Variants in TFDP2 observed in about 807,000 individuals in gnomAD.
The protein encoded by TFDP2 is transcription factor Dp-2.
Under a neutral mutation model 59.3 loss-of-function variants are expected in TFDP2, and 17 were observed. The observed-to-expected ratio is 0.29, with a 90% CI of 0.20 to 0.43. The LOEUF (loss-of-function observed/expected upper bound fraction) is 0.43, where lower values mean the gene tolerates loss of function less well. TFDP2 is among the 20% of genes least tolerant of loss of function. The probability of loss-of-function intolerance (pLI) is 1.00; values close to 1 mark genes in which losing one functional copy is unlikely to be tolerated. For missense variants in TFDP2, 391 were observed against 528.8 expected (o/e 0.74, Z 2.56); for synonymous variants, 180 against 194.7 (o/e 0.92, Z 0.63).
chr3:142,001,392 T>C (rs1032064479), intron 4 of TFDP2, among the ~76,000 whole-genome samples: 8 of 152,156 alleles, frequency 5.3e-5, no homozygotes, highest in Admixed American at 2.6e-4. Context: ...ATTGCCAGGG[T>C]TTCATTAGCG....
rs1490644561 is a variant in TFDP2 at position 141,944,840 on chromosome 3, G to C, written c.*7673C>G. Reference sequence around the variant, plus strand: ...ATAAAATTTCCATATAAAAATAATGGCATTTATTTACAAAGTCTGAGATAC... The same window carrying C: ...ATAAAATTTCCATATAAAAATAATGCCATTTATTTACAAAGTCTGAGATAC... On this transcript the variant is annotated 3_prime_UTR_variant, in exon 13 of 13. Coordinates refer to ENST00000489671, the MANE Select transcript of TFDP2 (RefSeq NM_001178139.2). 1 of 152,094 alleles carries C rather than the reference G, an allele frequency of 6.6e-6. No homozygotes were observed. Among genetic ancestry groups the C allele is most frequent in the African/African-American group, 2.4e-5 (1 of 41,396 alleles). The allele number at this position is 152,094 out of a possible 1,614,324, so 9.4% of individuals were successfully genotyped here. A position where few individuals can be genotyped will look rare whatever the true frequency, so the allele number is the denominator to read the frequency against.
intron 3 of TFDP2, chr3:142,028,460 G>T: frequency 1.8e-6 from 1 of 555,994 alleles, no homozygotes; most frequent in Non-Finnish European, 2.2e-6. Flanking sequence ...AAGCAAGGAC[G>T]TCTTGAAATC....
chr3:142,095,667 T>C (rs1407098431), intron 2 of TFDP2, among the ~76,000 whole-genome samples: 1 of 152,228 alleles, frequency 6.6e-6, no homozygotes, highest in Non-Finnish European at 1.5e-5. Flanking sequence ...CAAATAACTA[T>C]ATGTTATGGC....
rs1935323036 is a variant in TFDP2, at chr3:141,946,989, T to A, written c.*5524A>T. ...GTTGCAGTGGCTGAGATCATGCCAC[T>A]GCACTCCAGCCTGGGCAACAGAGCA... On this transcript the variant is annotated 3_prime_UTR_variant, in exon 13 of 13. Coordinates refer to ENST00000489671, the MANE Select transcript of TFDP2 (RefSeq NM_001178139.2). 1 of 152,226 alleles carries A rather than the reference T, an allele frequency of 6.6e-6. No homozygotes were observed. Among genetic ancestry groups the A allele is most frequent in the Non-Finnish European group, 1.5e-5 (1 of 68,108 alleles). 9.4% of individuals were successfully genotyped at this position (152,226 alleles called of 1,614,324 possible). A position where few individuals can be genotyped will look rare whatever the true frequency, so the allele number is the denominator to read the frequency against.
chr3:142,082,401 C>T (rs565653563), intron 3 of TFDP2, among the ~76,000 whole-genome samples: 55 of 152,188 alleles, frequency 3.6e-4, no homozygotes, highest in African/African-American at 1.3e-3. Context: ...ATTCTGTAAA[C>T]CATACCACCC....
chr3:142,009,324 C>T (rs748168965), intron 3 of TFDP2, among the ~76,000 whole-genome samples: 13 of 152,146 alleles, frequency 8.5e-5, no homozygotes, highest in Non-Finnish European at 1.9e-4. Flanking sequence ...TCAATTTAAA[C>T]AGCAGGTCCT....
intron 3 of TFDP2, among the ~76,000 whole-genome samples, chr3:142,042,803 G>A (rs530423944): frequency 8.1e-6 from 1 of 123,676 alleles, no homozygotes; most frequent in African/African-American, 3.1e-5. Flanking sequence ...GCAATGGCTT[G>A]ATCTCGGCTC....
intron 6 of TFDP2, among the ~76,000 whole-genome samples, chr3:141,989,880 TAA>T (rs1491329408): frequency 8.1e-5 from 12 of 149,008 alleles, no homozygotes; most frequent in East Asian, 2.0e-4. Flanking sequence ...TTTACTTTAA[TAA>T]TAATAATAAT....
chr3:142,067,604 A>G (rs1261232215), intron 3 of TFDP2, among the ~76,000 whole-genome samples: 2 of 152,206 alleles, frequency 1.3e-5, no homozygotes, highest in East Asian at 3.8e-4. Context: ...GTTACTTTGT[A>G]GTTATCAAAA....
At chr3:142,033,743 G>A (rs896677401) in intron 3 of TFDP2, among the ~76,000 whole-genome samples, 2 of 152,142 alleles carry the variant, frequency 1.3e-5, no homozygotes, top group Non-Finnish European at 2.9e-5. Context: ...TCAAGTATTT[G>A]TTTAGTTATA....
intron 8 of TFDP2, among the ~76,000 whole-genome samples, chr3:141,973,524 C>T (rs4683656): frequency 0.074 from 11,309 of 152,160 alleles, 523 homozygotes; most frequent in Non-Finnish European, 0.11. Context: ...ACTTAAAATG[C>T]TTCTGCATAC....
intron 3 of TFDP2, among the ~76,000 whole-genome samples, chr3:142,017,710 G>C (rs1945248384): frequency 1.3e-5 from 2 of 151,576 alleles, no homozygotes; most frequent in African/African-American, 4.8e-5. Flanking sequence ...ATGCCACCAT[G>C]CCTGGCTAAT....
intron 9 of TFDP2, among the ~76,000 whole-genome samples, chr3:141,967,178 G>A (rs1179383242): frequency 6.6e-6 from 1 of 151,660 alleles, no homozygotes; most frequent in African/African-American, 2.4e-5. Flanking sequence ...GCCTCCCCAA[G>A]TGCTGGGATG....
chr3:142,119,376 C>T (rs1037573699), intron 1 of TFDP2, among the ~76,000 whole-genome samples: 3 of 152,056 alleles, frequency 2.0e-5, no homozygotes, highest in South Asian at 4.1e-4. Context: ...CATTGTATTT[C>T]TCAAAAATAA....
At chr3:142,060,382 A>G (rs1384886051) in intron 3 of TFDP2, among the ~76,000 whole-genome samples, 1 of 152,218 alleles carries the variant, frequency 6.6e-6, no homozygotes, top group Non-Finnish European at 1.5e-5. Flanking sequence ...GGTAGGGGAC[A>G]ACAAATGGAA....
chr3:141,971,032 TG>T (rs763320468), intron 8 of TFDP2, among the ~76,000 whole-genome samples: 1 of 149,910 alleles, frequency 6.7e-6, no homozygotes, highest in Non-Finnish European at 1.5e-5. Context: ...CACTCCAGCC[TG>T]GACAACAAAG....
At chr3:141,977,882 T>C (rs913051833) in intron 7 of TFDP2, among the ~76,000 whole-genome samples, 1 of 151,730 alleles carries the variant, frequency 6.6e-6, no homozygotes, top group African/African-American at 2.4e-5. Flanking sequence ...GGCTAATTTT[T>C]TGTATTTTTA....
rs550446161 is a variant in TFDP2 at position 142,115,539 on chromosome 3, C to T, written c.-92-13698G>A. Among the ~76,000 whole-genome samples the T allele has an allele frequency of 9.9e-5, 15 of 152,228 alleles. No individual in the cohort carries two copies. The South Asian group carries it at 2.9e-3, about 29-fold the overall frequency. ...TTCACCGTGTTAGCCAGGATGGTCT[C>T]GATCTCCTGACCTCGTGATCCGCCG... On this transcript the variant is annotated intron_variant, in intron 1 of 12. Transcript: ENST00000489671.
chr3:142,100,671 C>T (rs2061293043), intron 2 of TFDP2, among the ~76,000 whole-genome samples: 1 of 152,134 alleles, frequency 6.6e-6, no homozygotes, highest in African/African-American at 2.4e-5. Context: ...CCATGCCTGG[C>T]CTGCCTCCTT....
Sources: gnomAD v4.1 joint callset for allele counts (sites outside exome capture counted in the v4.1 genomes callset) on GRCh38, gnomAD v4.1.1 for gene constraint, MANE v1.5 for transcripts, NCBI Gene and HGNC (gene_info 2026-07-23, HGNC 2026-07-21) for gene names.